The following RBM27 variants were observed in gnomAD, a reference collection of about 807,000 sequenced individuals.
RBM27 encodes RNA binding motif protein 27.
Under a neutral mutation model 135.3 loss-of-function variants are expected in RBM27, and 22 were observed. The ratio of observed to expected loss-of-function variants is 0.16; its 90% CI spans 0.12 to 0.23. The LOEUF (loss-of-function observed/expected upper bound fraction) is 0.23, where lower values mean the gene tolerates loss of function less well. RBM27 is among the 10% of genes least tolerant of loss of function. RBM27 has a pLI of 1.00. For synonymous variants in RBM27, 481 were observed against 442.4 expected (o/e 1.09, Z -1.10); for missense variants, 1,009 against 1,281.0 (o/e 0.79, Z 3.24).
chr5:146,283,012 C>A (rs1270695112), intron 19 of RBM27, among the ~76,000 whole-genome samples: 1 of 152,106 alleles, frequency 6.6e-6, no homozygotes, highest in Non-Finnish European at 1.5e-5. Context: ...CCTTAATATT[C>A]CTTTTGGAGG....
At chr5:146,211,125 A>G (rs937727794) in intron 1 of RBM27, among the ~76,000 whole-genome samples, 27 of 151,822 alleles carry the variant, frequency 1.8e-4, no homozygotes, top group African/African-American at 6.3e-4. Context: ...AATAAAAAAA[A>G]TAGCCTTAGT....
Position 146,233,622 on chromosome 5 carries a change from A to G in RBM27, c.1023A>G (p.Pro341=), listed in dbSNP as rs550751039. 3.7e-5 allele frequency: 59 copies of G among 1,594,044 alleles called. No individual in the cohort carries two copies. The East Asian group carries it at 8.0e-4, about 22-fold the overall frequency. Residue 341 remains proline (P), a synonymous_variant, in exon 7 of 21, where the codon CCA becomes CCG. Transcript: ENST00000265271. The part of the protein sequence containing the change: ...MLMPPMPGPG[P]GPGPGPGPGP... ...TGCCTCCAATGCCAGGTCCAGGCCC[A>G]GGCCCGGGCCCAGGTCCAGGCCCAG...
At chr5:146,254,741 C>A (rs7703269) in intron 9 of RBM27, among the ~76,000 whole-genome samples, 57,170 of 151,582 alleles carry the variant, frequency 0.38, 11,264 homozygotes, top group African/African-American at 0.48. Context: ...TGTTTTATAT[C>A]AAAGTCTTGA....
intron 1 of RBM27, among the ~76,000 whole-genome samples, chr5:146,210,897 A>C (rs1473574544): frequency 6.6e-6 from 1 of 151,534 alleles, no homozygotes; most frequent in African/African-American, 2.4e-5. Context: ...CAGTGAGCCG[A>C]GATTGCGCCA....
intron 1 of RBM27, among the ~76,000 whole-genome samples, chr5:146,209,146 C>A (rs1024906794): frequency 6.6e-6 from 1 of 152,112 alleles, no homozygotes; most frequent in African/African-American, 2.4e-5. Context: ...ATGATGTAGA[C>A]TTTAAGTGGT....
chr5:146,213,193 C>G (rs1756041463), intron 1 of RBM27, among the ~76,000 whole-genome samples: 2 of 151,828 alleles, frequency 1.3e-5, no homozygotes, highest in South Asian at 4.2e-4. Flanking sequence ...ACCACCGCCT[C>G]CCGGGTTCAA....
intron 8 of RBM27, 66 bp downstream of exon 8, chr5:146,237,498 A>G (rs1757220739): frequency 4.7e-6 from 7 of 1,501,210 alleles, no homozygotes; most frequent in South Asian, 2.4e-5. Flanking sequence ...TCATATCAGT[A>G]TAACCCTTTA....
intron 19 of RBM27, among the ~76,000 whole-genome samples, chr5:146,284,044 A>G (rs1017542523): frequency 2.6e-5 from 4 of 152,190 alleles, no homozygotes; most frequent in Admixed American, 1.3e-4. Context: ...AAAAATTAGT[A>G]CCAAGTAACA....
At position 146,263,532 on chromosome 5, in the gene RBM27, C is replaced by G. The variant is rs773257755; in HGVS notation, c.2232C>G (p.Asn744Lys). Residue 744 changes from asparagine to lysine, a missense_variant, in exon 14 of 21, where the codon AAC (asparagine) becomes AAG (lysine). Asn to Lys is a moderately conservative substitution (Grantham distance 94, BLOSUM62 0). Around this residue, in one of 6 missense-constraint regions of RBM27, gnomAD observed 355 missense variants for 427.3 expected, o/e 0.83. Coordinates refer to ENST00000265271, the MANE Select transcript of RBM27 (RefSeq NM_018989.2). Reference sequence around the variant, plus strand: ...AGACATCAGGTGCATATGTTCTTAACAAAGTTCCTGTTAAACATCGTCTTG... The same window carrying G: ...AGACATCAGGTGCATATGTTCTTAAGAAAGTTCCTGTTAAACATCGTCTTG... ...KPQTSGAYVL[N>K]KVPVKHRLGH... 4 of 1,614,118 alleles carry G rather than the reference C, an allele frequency of 2.5e-6. No individual in the cohort carries two copies. The highest frequency in any genetic ancestry group is 3.3e-5 in the Admixed American group (2 of 60,016).
chr5:146,258,074 C>T (rs1344530331), intron 10 of RBM27, among the ~76,000 whole-genome samples: 1 of 152,162 alleles, frequency 6.6e-6, no homozygotes, highest in Non-Finnish European at 1.5e-5. Flanking sequence ...CCGCCTCGGC[C>T]TCCCAAAGTG....
chr5:146,223,184 A>C (rs547997602), intron 2 of RBM27, among the ~76,000 whole-genome samples: 33 of 152,268 alleles, frequency 2.2e-4, no homozygotes, highest in African/African-American at 7.2e-4. Flanking sequence ...GTTTGCTATT[A>C]TATCCTCCAA....
intron 14 of RBM27, 85 bp from the exon 15 acceptor site, chr5:146,267,564 A>T (rs1758667663): frequency 1.2e-6 from 1 of 849,188 alleles, no homozygotes; most frequent in Non-Finnish European, 1.8e-6. Flanking sequence ...GTAGAAATAT[A>T]TGCATCTTTT....
chr5:146,277,667 C>T lies in RBM27; in HGVS notation c.2988+5993C>T, dbSNP rs59240043. Among the ~76,000 whole-genome samples the T allele has an allele frequency of 5.9e-3, 895 of 151,232 alleles. 8 individuals are homozygous for T. The highest frequency in any genetic ancestry group is 0.02 in the African/African-American group (841 of 41,202). On this transcript the variant is annotated intron_variant, in intron 19 of 20. Coordinates refer to ENST00000265271, the MANE Select transcript of RBM27 (RefSeq NM_018989.2). The stretch of plus-strand genomic sequence containing the variant: ...CCACCCGAGCAGCTGGGACCACAGG[C>T]GCCCGCCACCAGGCCCAGCTAATTT...
intron 19 of RBM27, among the ~76,000 whole-genome samples, chr5:146,277,006 G>A (rs965291362): frequency 3.3e-5 from 5 of 152,214 alleles, no homozygotes; most frequent in African/African-American, 1.2e-4. Flanking sequence ...ACACTTTACT[G>A]TGTTCAGGGT....
intron 15 of RBM27, 79 bp downstream of exon 15, chr5:146,267,847 T>C (rs927174002): frequency 2.8e-6 from 4 of 1,423,360 alleles, no homozygotes; most frequent in Non-Finnish European, 3.9e-6. Context: ...CACTTTTAAA[T>C]CAGTTCATGT....
At position 146,203,840 on chromosome 5, in the gene RBM27, T is replaced by C; in HGVS notation, c.59+16T>C. ...TGGAGCCGATGTGAGTGAGCCGGGCTGGGCCGGGGCCGGCGAACGTGGGCG... is the reference window on the plus strand; with the variant it reads ...TGGAGCCGATGTGAGTGAGCCGGGCCGGGCCGGGGCCGGCGAACGTGGGCG... On this transcript the variant is annotated intron_variant, in intron 1 of 20. Transcript: ENST00000265271. The C allele has an allele frequency of 8.7e-7, 1 of 1,144,980 alleles. No individual in the cohort carries two copies. Among genetic ancestry groups the C allele is most frequent in the Non-Finnish European group, 1.1e-6 (1 of 912,468 alleles). The allele number at this position is 1,144,980 out of a possible 1,614,324, so 70.9% of individuals were successfully genotyped here.
At chr5:146,262,163 GTAGAGTCAGTCTC>G (rs1445830861) in intron 13 of RBM27, among the ~76,000 whole-genome samples, 1 of 152,150 alleles carries the variant, frequency 6.6e-6, no homozygotes, top group Non-Finnish European at 1.5e-5. Context: ...TCAAACCTCT[GTAGAGTCAGTCTC>G]TAGATACAGG....
chr5:146,251,639 G>A lies in RBM27; in HGVS notation c.1280-72G>A, dbSNP rs902015115. On this transcript the variant is annotated intron_variant, in intron 8 of 20. Transcript: ENST00000265271. ...TCTCTGTTTTTGGCTCAAAGTCTCA[G>A]GAAACACATCATCACCTAAGAGAAG... The A allele has an allele frequency of 2.1e-6, 3 of 1,424,132 alleles. No homozygotes were observed. The African/African-American group carries it at 4.3e-5, about 20-fold the overall frequency. The allele number at this position is 1,424,132 out of a possible 1,614,324, so 88.2% of individuals were successfully genotyped here. A position where few individuals can be genotyped will look rare whatever the true frequency, so the allele number is the denominator to read the frequency against.
intron 3 of RBM27, among the ~76,000 whole-genome samples, chr5:146,226,578 A>C (rs967208075): frequency 6.6e-6 from 1 of 151,770 alleles, no homozygotes; most frequent in Non-Finnish European, 1.5e-5. Flanking sequence ...ATAGAGTTTC[A>C]CCATGTTGGC....
Sources: gnomAD v4.1 joint callset for allele counts (sites outside exome capture counted in the v4.1 genomes callset) on GRCh38, gnomAD v4.1.1 for gene constraint, gnomAD v4.1.1 regional missense constraint, MANE v1.5 for transcripts, NCBI Gene and HGNC (gene_info 2026-07-23, HGNC 2026-07-21) for gene names.